Variants in TRIM35 observed in about 807,000 individuals in gnomAD.
The protein encoded by TRIM35 is E3 ubiquitin-protein ligase TRIM35.
A neutral mutation model predicts 49.1 loss-of-function variants in TRIM35; 37 were observed. That is an observed-to-expected ratio of 0.75 (90% confidence interval 0.58 to 0.99). The LOEUF (loss-of-function observed/expected upper bound fraction) is 0.99, where lower values mean the gene tolerates loss of function less well. TRIM35 is among the 50% of genes least tolerant of loss of function. The probability of loss-of-function intolerance (pLI) is 0.00; values close to 1 mark genes in which losing one functional copy is unlikely to be tolerated. For synonymous variants in TRIM35, 302 were observed against 289.3 expected (o/e 1.04, Z -0.45); for missense variants, 648 against 702.7 (o/e 0.92, Z 0.88).
chr8:27,287,236 G>A lies in TRIM35; in HGVS notation c.*314C>T. Reference sequence around the variant, plus strand: ...ACCTCGATGAGATGGTTTACAACAGGCCCATTCTAGAAGTAAACATTATTC... The same window carrying A: ...ACCTCGATGAGATGGTTTACAACAGACCCATTCTAGAAGTAAACATTATTC... On this transcript the variant is annotated 3_prime_UTR_variant, in exon 6 of 6. Transcript: ENST00000305364. The surrounding 1 kb of genome is among the most constrained non-coding windows in gnomAD (Gnocchi z 6.0). 1 of 328,644 alleles carries A rather than the reference G, an allele frequency of 3.0e-6. No homozygotes were observed. The highest frequency in any genetic ancestry group is 5.6e-6 in the Non-Finnish European group (1 of 177,102). 20.4% of individuals were successfully genotyped at this position (328,644 alleles called of 1,614,324 possible). A position where few individuals can be genotyped will look rare whatever the true frequency, so the allele number is the denominator to read the frequency against.
Position 27,287,814 on chromosome 8 carries a change from C to T in TRIM35, c.1218G>A (p.Glu406=), listed in dbSNP as rs771286235. 13 of 1,611,424 alleles carry T rather than the reference C, an allele frequency of 8.1e-6. No homozygotes were observed. Among genetic ancestry groups the T allele is most frequent in the East Asian group, 2.2e-5 (1 of 44,734 alleles). The stretch of plus-strand genomic sequence containing the variant: ...GGTCCGAGGTCACGCAGTGGTCCCC[C>T]TCCACGCCCTGCGTGCGGCAGACAT... ...FWYVCRTQGV[E]GDHCVTSDPA... The change falls in exon 6 of 6, where the codon GAG becomes GAA. Residue 406 remains glutamate (E), a synonymous_variant. Coordinates refer to ENST00000305364, the MANE Select transcript of TRIM35 (RefSeq NM_171982.5). The surrounding 1 kb of genome is among the most constrained non-coding windows in gnomAD (Gnocchi z 6.0).
At chr8:27,288,363 C>T (rs550115949) in intron 5 of TRIM35, among the ~76,000 whole-genome samples, 21 of 152,184 alleles carry the variant, frequency 1.4e-4, no homozygotes, top group African/African-American at 4.8e-4. Flanking sequence ...GGTGGTTGTA[C>T]ACATATTAGT....
chr8:27,304,692 T>C (rs1236703204), intron 1 of TRIM35: 1 of 384,652 alleles, frequency 2.6e-6, no homozygotes, highest in Non-Finnish European at 5.1e-6. Flanking sequence ...CTGCACAAAG[T>C]AGATGTTCAG....
intron 1 of TRIM35, 152 bp from the exon 2 acceptor site, chr8:27,298,711 G>A (rs903069322): frequency 2.1e-5 from 14 of 662,886 alleles, no homozygotes; most frequent in Middle Eastern, 2.8e-4. Flanking sequence ...CAAGTGCTCT[G>A]GGCACAAATG....
rs202177601 is a variant in TRIM35, at chr8:27,311,176, G to C, written c.60C>G (p.Leu20=). The C allele has an allele frequency of 5.8e-5, 93 of 1,606,426 alleles. No homozygotes were observed. In the East Asian group the frequency reaches 1.4e-3, roughly 24 times the overall value. Residue 20 remains leucine, a synonymous_variant, in exon 1 of 6, where the codon CTC becomes CTG. Transcript: ENST00000305364. The stretch of plus-strand genomic sequence containing the variant: ...GGAAGGGGTCGTAGCAGACGGCGCA[G>C]AGCAACTCCTCCTTGAAGGAGCGGG... ...GPSRSFKEEL[L]CAVCYDPFRD...
At position 27,287,473 on chromosome 8, in the gene TRIM35, C is replaced by A; in HGVS notation, c.*77G>T. 1 of 1,431,492 alleles carries A rather than the reference C, an allele frequency of 7.0e-7. No homozygotes were observed. The highest frequency in any genetic ancestry group is 2.5e-5 in the Admixed American group (1 of 39,472). The allele number at this position is 1,431,492 out of a possible 1,614,324, so 88.7% of individuals were successfully genotyped here. On this transcript the variant is annotated 3_prime_UTR_variant, in exon 6 of 6. Coordinates refer to ENST00000305364, the MANE Select transcript of TRIM35 (RefSeq NM_171982.5). The surrounding 1 kb of genome is among the most constrained non-coding windows in gnomAD (Gnocchi z 6.0). ...AAGGAGGCAGGGGCGCAATAGTGCC[C>A]AAGCAGTGTGGGCATTAGGAAGAGG... is the stretch of plus-strand genomic sequence containing the variant.
rs1416054396 is a variant in TRIM35 at position 27,310,836 on chromosome 8, C to G, written c.400G>C (p.Val134Leu). Residue 134 changes from valine to leucine, a missense_variant, in exon 1 of 6, where the codon GTG (valine) becomes CTG (leucine). Transcript: ENST00000305364. Reference sequence around the variant, plus strand: ...TGGGCAGTGTCCTTCACCGGCTGCACGCGGTGCCCCTGGTGTCGGGGGTCG... The same window carrying G: ...TGGGCAGTGTCCTTCACCGGCTGCAGGCGGTGCCCCTGGTGTCGGGGGTCG... ...QADPRHQGHR[V>L]QPVKDTAHDF... 6.2e-7 allele frequency: 1 copy of G among 1,607,360 alleles called. No individual in the cohort carries two copies. Among genetic ancestry groups the G allele is most frequent in the Admixed American group, 1.7e-5 (1 of 59,712 alleles).
intron 1 of TRIM35, among the ~76,000 whole-genome samples, chr8:27,307,485 C>T (rs1469752090): frequency 1.3e-5 from 2 of 152,172 alleles, no homozygotes; most frequent in African/African-American, 4.8e-5. Context: ...CTGTCCTTCA[C>T]AGGAATGTTG....
At chr8:27,289,058 G>A in intron 5 of TRIM35, 104 bp downstream of exon 5, 1 of 827,792 alleles carries the variant, frequency 1.2e-6, no homozygotes, top group Admixed American at 2.1e-5. Flanking sequence ...GGGGAGCTCT[G>A]AGGAGGTGGG....
chr8:27,287,518 G>T lies in TRIM35; in HGVS notation c.*32C>A. ...AAGAGGGCAGAAAGAAAACAGTGCT[G>T]TGGCACAAGACCGGGGCAGCCCCGG... is the stretch of plus-strand genomic sequence containing the variant. On this transcript the variant is annotated 3_prime_UTR_variant, in exon 6 of 6. Transcript: ENST00000305364. The surrounding 1 kb of genome is among the most constrained non-coding windows in gnomAD (Gnocchi z 6.0). 6.6e-7 allele frequency: 1 copy of T among 1,513,306 alleles called. No individual in the cohort carries two copies. The highest frequency in any genetic ancestry group is 1.3e-5 in the South Asian group (1 of 76,528). 93.7% of individuals were successfully genotyped at this position (1,513,306 alleles called of 1,614,324 possible).
At position 27,310,972 on chromosome 8, in the gene TRIM35, C is replaced by G. The variant is rs1325631983; in HGVS notation, c.264G>C (p.Glu88Asp). ...AGCGGTAGCTGGTCCAGCGCGCGCCCTCGGCCTCCTCGCGCAGCAGCTTCT... is the reference window on the plus strand; with the variant it reads ...AGCGGTAGCTGGTCCAGCGCGCGCCGTCGGCCTCCTCGCGCAGCAGCTTCT... ...LVEKLLREEA[E>D]GARWTSYRFS... The change falls in exon 1 of 6, where the codon GAG (glutamate) becomes GAC (aspartate). Residue 88 changes from glutamate to aspartate, a missense_variant. Transcript: ENST00000305364. 24 of 1,612,206 alleles carry G rather than the reference C, an allele frequency of 1.5e-5. No homozygotes were observed. The highest frequency in any genetic ancestry group is 2.0e-5 in the Non-Finnish European group (24 of 1,179,508).
At chr8:27,305,187 C>A (rs921164888) in intron 1 of TRIM35, among the ~76,000 whole-genome samples, 2 of 152,220 alleles carry the variant, frequency 1.3e-5, no homozygotes, top group Middle Eastern at 3.2e-3. Context: ...CTCTTAAGTG[C>A]CACCTACATG....
Position 27,311,182 on chromosome 8 carries a change from C to T in TRIM35, c.54G>A (p.Glu18=), listed in dbSNP as rs915497088. 1.2e-6 allele frequency: 2 copies of T among 1,605,344 alleles called. No homozygotes were observed. Among genetic ancestry groups the T allele is most frequent in the East Asian group, 2.2e-5 (1 of 44,556 alleles). Residue 18 remains glutamate, a synonymous_variant, in exon 1 of 6, where the codon GAG becomes GAA. Coordinates refer to ENST00000305364, the MANE Select transcript of TRIM35 (RefSeq NM_171982.5). ...SPGPSRSFKE[E]LLCAVCYDPF... is the part of the protein sequence containing the mutation. ...GGTCGTAGCAGACGGCGCAGAGCAA[C>T]TCCTCCTTGAAGGAGCGGGAAGGCC...
intron 1 of TRIM35, among the ~76,000 whole-genome samples, chr8:27,301,094 G>T (rs1261288629): frequency 6.6e-6 from 1 of 152,090 alleles, no homozygotes; most frequent in Non-Finnish European, 1.5e-5. Context: ...TCCTAAAATG[G>T]CCCTTCTCTG....
intron 4 of TRIM35, among the ~76,000 whole-genome samples, chr8:27,289,702 C>T (rs1802412782): frequency 6.6e-6 from 1 of 152,160 alleles, no homozygotes; most frequent in Non-Finnish European, 1.5e-5. Context: ...GAACTCACTC[C>T]CTCCAAAAGC....
chr8:27,307,941 G>A (rs1165343211), intron 1 of TRIM35, among the ~76,000 whole-genome samples: 1 of 152,214 alleles, frequency 6.6e-6, no homozygotes, highest in Non-Finnish European at 1.5e-5. Flanking sequence ...GGATCTTGCT[G>A]TGGGGAGGTT....
intron 1 of TRIM35, among the ~76,000 whole-genome samples, chr8:27,299,040 G>C (rs774046598): frequency 4.6e-5 from 7 of 152,058 alleles, no homozygotes; most frequent in Non-Finnish European, 7.4e-5. Context: ...CATTTCCCAC[G>C]GGGTTCAGTT....
At chr8:27,295,038 G>C (rs2130279559) in intron 2 of TRIM35, among the ~76,000 whole-genome samples, 1 of 152,186 alleles carries the variant, frequency 6.6e-6, no homozygotes, top group East Asian at 1.9e-4. Context: ...TGGTCAGGCT[G>C]GTCTCAAACT....
In TRIM35 at chr8:27,311,212, G is replaced by A; in HGVS notation, c.24C>T (p.Ser8=). 5 of 1,569,330 alleles carry A rather than the reference G, an allele frequency of 3.2e-6. No individual in the cohort carries two copies. Among genetic ancestry groups the A allele is most frequent in the Non-Finnish European group, 4.3e-6 (5 of 1,153,998 alleles). MERSPDV[S]PGPSRSFKEE... ...CCTTGAAGGAGCGGGAAGGCCCGGG[G>A]GACACGTCGGGACTCCGCTCCATGG... is the stretch of plus-strand genomic sequence containing the variant. The change falls in exon 1 of 6, where the codon TCC becomes TCT. Residue 8 remains serine (S), a synonymous_variant. Transcript: ENST00000305364.
Sources: allele counts gnomAD v4.1 joint callset (sites outside exome capture counted in the v4.1 genomes callset), GRCh38; gene constraint gnomAD v4.1.1; non-coding constraint Gnocchi (gnomAD v3.1); transcripts MANE v1.5; gene names NCBI Gene and HGNC (gene_info 2026-07-23, HGNC 2026-07-21).